Variants in COL10A1 observed in about 807,000 individuals in gnomAD.
The protein encoded by COL10A1 is collagen alpha-1(X) chain.
In COL10A1, 10 loss-of-function variants were observed where a neutral mutation model predicts 18.2. The observed-to-expected ratio is 0.55, with a 90% confidence interval of 0.34 to 0.93. COL10A1 has a LOEUF of 0.93. Ranked by LOEUF, COL10A1 falls within the 40% of genes least tolerant of loss-of-function variation. The pLI is 0.02. For synonymous variants in COL10A1, 330 were observed against 316.6 expected, an observed-to-expected ratio of 1.04 and a Z score of -0.45; for missense variants, 897 against 853.5, an observed-to-expected ratio of 1.05 and a Z score of -0.64.
the COL10A1 span, among the ~76,000 whole-genome samples, chr6:116,175,564 T>C: frequency 1.3e-5 from 2 of 152,194 alleles, no homozygotes; most frequent in African/African-American, 4.8e-5. Context: ...GTTGGACCAT[T>C]TGATAATGTC....
rs767696989 is a variant in COL10A1 at position 116,119,530 on chromosome 6, T to A, written c.*543A>T. The A allele has an allele frequency of 2.6e-5, 4 of 154,372 alleles. No individual in the cohort carries two copies. Among genetic ancestry groups the A allele is most frequent in the Non-Finnish European group, 5.8e-5 (4 of 69,320 alleles). The allele number at this position is 154,372 out of a possible 1,614,324, so 9.6% of individuals were successfully genotyped here. On this transcript the variant is annotated 3_prime_UTR_variant, in exon 3 of 3. Transcript: ENST00000651968. ...GAATAGATATTGATGAAAGGGGCCA[T>A]ACAGGCCTCAGAGTAGTGCACCATC...
Position 116,125,589 on chromosome 6 carries a change from T to C in COL10A1, c.-15-82A>G. 8 of 1,238,966 alleles carry C rather than the reference T, an allele frequency of 6.5e-6. No individual in the cohort carries two copies. In the South Asian group the frequency reaches 1.0e-4, roughly 16 times the overall value. 76.7% of individuals were successfully genotyped at this position (1,238,966 alleles called of 1,614,324 possible). On this transcript the variant is annotated intron_variant, in intron 1 of 2. Transcript: ENST00000651968. ...TCTCATGTTTCACAGATGAGTTCTT[T>C]ATACAGTTATCTACTTTTTTAACCT...
chr6:116,142,701 A>G (rs1260190436), intron 1 of COL10A1, among the ~76,000 whole-genome samples: 1 of 152,202 alleles, frequency 6.6e-6, no homozygotes, highest in Non-Finnish European at 1.5e-5. Context: ...GCAGTGAAAT[A>G]TATTAATAGT....
At chr6:116,160,585 G>A (rs1780303333), upstream of COL10A1, among the ~76,000 whole-genome samples, 2 of 152,006 alleles carry the variant, frequency 1.3e-5, no homozygotes, top group Admixed American at 1.3e-4. Context: ...TATTTGCTGT[G>A]TTATTTCTTG....
the COL10A1 span, among the ~76,000 whole-genome samples, chr6:116,178,090 C>CGTGTGT: frequency 1.9e-5 from 2 of 103,522 alleles, no homozygotes; most frequent in Non-Finnish European, 3.7e-5. Context: ...TGTGTGTGTG[C>CGTGTGT]GCGCGCGCGC....
the COL10A1 span, among the ~76,000 whole-genome samples, chr6:116,185,868 C>T: frequency 2.0e-5 from 3 of 152,002 alleles, no homozygotes; most frequent in South Asian, 2.1e-4. Context: ...TTACATTCAA[C>T]GTTAGTATTG....
At chr6:116,157,615 C>T (rs1399474892) in intron 1 of COL10A1, among the ~76,000 whole-genome samples, 4 of 152,104 alleles carry the variant, frequency 2.6e-5, no homozygotes, top group African/African-American at 9.7e-5. Flanking sequence ...TAGACCATAA[C>T]AAAAAATTAC....
the COL10A1 span, among the ~76,000 whole-genome samples, chr6:116,213,290 T>G: frequency 6.6e-6 from 1 of 152,062 alleles, no homozygotes; most frequent in Non-Finnish European, 1.5e-5. Flanking sequence ...CAGTTGAAGC[T>G]TTTAGCTCAA....
At chr6:116,141,896 A>ACACG (rs2114367430) in intron 1 of COL10A1, among the ~76,000 whole-genome samples, 1 of 149,998 alleles carries the variant, frequency 6.7e-6, no homozygotes, top group Non-Finnish European at 1.5e-5. Context: ...ACACACACAC[A>ACACG]CACACACACA....
chr6:116,182,222 A>AGTGTGTGTGTGTGTGTGTGTGT, the COL10A1 span, among the ~76,000 whole-genome samples: 9 of 124,686 alleles, frequency 7.2e-5, no homozygotes, highest in African/African-American at 2.0e-4. Flanking sequence ...TTCCATGGAG[A>AGTGTGTGTGTGTGTGTGTGTGT]GTGTGTGTGT....
the COL10A1 span, among the ~76,000 whole-genome samples, chr6:116,177,422 T>C: frequency 6.6e-6 from 1 of 152,210 alleles, no homozygotes; most frequent in East Asian, 1.9e-4. Context: ...ATATTAGAAA[T>C]GGCTTCCATC....
chr6:116,187,478 A>C, the COL10A1 span, among the ~76,000 whole-genome samples: 1 of 152,130 alleles, frequency 6.6e-6, no homozygotes, highest in African/African-American at 2.4e-5. Flanking sequence ...CTTATTTTAA[A>C]GTTACAGTAA....
Position 116,121,526 on chromosome 6 carries a change from C to T in COL10A1, c.590G>A (p.Gly197Asp), listed in dbSNP as rs1053242460. 6.2e-7 allele frequency: 1 copy of T among 1,614,138 alleles called. No individual in the cohort carries two copies. The highest frequency in any genetic ancestry group is 8.5e-7 in the Non-Finnish European group (1 of 1,180,014). Residue 197 changes from glycine (G) to aspartate (D), a missense_variant, in exon 3 of 3, where the codon GGT (glycine) becomes GAT (aspartate). Gly to Asp is a moderately conservative substitution (Grantham distance 94). Coordinates refer to ENST00000651968, the MANE Select transcript of COL10A1 (RefSeq NM_000493.4). The stretch of plus-strand genomic sequence containing the variant: ...TGGAAGACCCCTCTCACCTGGACGA[C>T]CAGGAGCACCATATCCCATTTCCCC... The part of the protein sequence containing the change: ...QKGEMGYGAP[G>D]RPGERGLPGP...
At chr6:116,166,915 G>A in the COL10A1 span, among the ~76,000 whole-genome samples, 1 of 152,100 alleles carries the variant, frequency 6.6e-6, no homozygotes, top group Non-Finnish European at 1.5e-5. Context: ...TTGAGCCAAA[G>A]AATTGAGCCA....
At position 116,121,476 on chromosome 6, in the gene COL10A1, A is replaced by G. The variant is rs1779124119; in HGVS notation, c.640T>C (p.Ser214Pro). The G allele has an allele frequency of 3.1e-6, 5 of 1,613,892 alleles. No homozygotes were observed. Among genetic ancestry groups the G allele is most frequent in the Non-Finnish European group, 4.2e-6 (5 of 1,180,006 alleles). ...LPGPQGPTGP[S>P]GPPGVGKRGE... Reference sequence around the variant, plus strand: ...CTTTTTCCCACTCCAGGAGGGCCAGATGGTCCTGTGGGACCCTGAGGGCCT... The same window carrying G: ...CTTTTTCCCACTCCAGGAGGGCCAGGTGGTCCTGTGGGACCCTGAGGGCCT... The change falls in exon 3 of 3, where the codon TCT (serine) becomes CCT (proline). Residue 214 changes from serine to proline, a missense_variant. Ser to Pro is a moderately conservative substitution (Grantham distance 74, BLOSUM62 -1). Transcript: ENST00000651968.
intron 2 of COL10A1, among the ~76,000 whole-genome samples, chr6:116,122,886 T>TC (rs1282488725): frequency 6.6e-6 from 1 of 152,170 alleles, no homozygotes; most frequent in Non-Finnish European, 1.5e-5. Context: ...CATAGAGCTT[T>TC]CCCCATGGAT....
chr6:116,140,932 T>C (rs1055852543), intron 1 of COL10A1, among the ~76,000 whole-genome samples: 2 of 152,180 alleles, frequency 1.3e-5, no homozygotes, highest in African/African-American at 4.8e-5. Context: ...TTCTTGTACA[T>C]GTTTCCTGGC....
In COL10A1 at chr6:116,135,039, C is replaced by T. The variant is rs551488375; in HGVS notation, c.-15-9532G>A. 6.2e-4 allele frequency among the ~76,000 whole-genome samples: 94 copies of T among 152,256 alleles called. 1 individual carries two copies. The highest frequency in any genetic ancestry group is 2.1e-3 in the African/African-American group (89 of 41,558). On this transcript the variant is annotated intron_variant, in intron 1 of 1. Transcript: ENST00000418500. ...CTTCACTTTCCCATTATCTTTTACT[C>T]ATCTGTACCCCATTTACTTATTGAT...
chr6:116,121,203 C>G lies in COL10A1; in HGVS notation c.913G>C (p.Gly305Arg), dbSNP rs777254139. Residue 305 changes from glycine (G) to arginine (R), a missense_variant, in exon 3 of 3, where the codon GGC becomes CGC. By Grantham distance (125) the Gly-to-Arg change is moderately radical. Transcript: ENST00000651968. ...PPGFGKPGLP[G>R]LKGERGPAGL... is the part of the protein sequence containing the mutation. ...GCAGGTCCTCTTTCTCCCTTCAGGC[C>G]TGGCAAGCCTGGTTTCCCAAAGCCA... 6.2e-7 allele frequency: 1 copy of G among 1,613,722 alleles called. No individual in the cohort carries two copies. The highest frequency in any genetic ancestry group is 1.1e-5 in the South Asian group (1 of 91,076).
Sources: gnomAD v4.1 joint callset for allele counts (sites outside exome capture counted in the v4.1 genomes callset) on GRCh38, gnomAD v4.1.1 for gene constraint, MANE v1.5 for transcripts, NCBI Gene and HGNC (gene_info 2026-07-23, HGNC 2026-07-21) for gene names.